The following SCLT1 variants were observed in gnomAD, a reference collection of about 807,000 sequenced individuals.
SCLT1 encodes the protein sodium channel and clathrin linker 1, also known as sodium channel-associated protein 1.
Under a neutral mutation model 112.8 loss-of-function variants are expected in SCLT1, and 78 were observed. That is an observed-to-expected ratio of 0.69 (90% CI 0.58 to 0.83). SCLT1 has a LOEUF of 0.83. Ranked by LOEUF, SCLT1 falls within the 40% of genes least tolerant of loss-of-function variation. The pLI is 0.00. For synonymous variants in SCLT1, 257 were observed against 254.7 expected (o/e 1.01, Z -0.09); for missense variants, 747 against 770.4 (o/e 0.97, Z 0.36).
At chr4:129,018,015 C>T (rs991194630) in intron 5 of SCLT1, among the ~76,000 whole-genome samples, 22 of 152,240 alleles carry the variant, frequency 1.4e-4, no homozygotes, top group African/African-American at 5.1e-4. Context: ...CATCCCTTTG[C>T]TGAGATCCTG....
At chr4:129,086,854 A>G (rs1752437570) in intron 1 of SCLT1, among the ~76,000 whole-genome samples, 2 of 152,176 alleles carry the variant, frequency 1.3e-5, no homozygotes. Flanking sequence ...AGTTTAAGAC[A>G]TCAAAAAGTA....
chr4:128,907,255 C>T (rs1734763114), intron 18 of SCLT1, among the ~76,000 whole-genome samples: 1 of 151,998 alleles, frequency 6.6e-6, no homozygotes, highest in South Asian at 2.1e-4. Flanking sequence ...AGTGACGATT[C>T]GATTTGAACA....
chr4:128,901,676 A>G (rs889903706), intron 18 of SCLT1, among the ~76,000 whole-genome samples: 1 of 151,988 alleles, frequency 6.6e-6, no homozygotes, highest in Admixed American at 6.6e-5. Flanking sequence ...TATAATAAAA[A>G]AAAAATTAAA....
intron 9 of SCLT1, among the ~76,000 whole-genome samples, chr4:128,978,771 TA>T (rs1741403214): frequency 6.6e-6 from 1 of 151,946 alleles, no homozygotes. Context: ...TCTGAAGTCT[TA>T]AAAGAACCAT....
intron 13 of SCLT1, among the ~76,000 whole-genome samples, chr4:128,956,545 A>G (rs1739229496): frequency 6.6e-6 from 1 of 152,134 alleles, no homozygotes; most frequent in Non-Finnish European, 1.5e-5. Flanking sequence ...TCTTTACACC[A>G]TGATTCTGTA....
intron 2 of SCLT1, among the ~76,000 whole-genome samples, chr4:129,050,812 A>G (rs931825771): frequency 2.6e-5 from 4 of 152,146 alleles, no homozygotes; most frequent in Non-Finnish European, 4.4e-5. Context: ...GCCCATGCCT[A>G]TGTCCTGAAT....
chr4:129,021,808 G>A lies in SCLT1; in HGVS notation c.290+17233C>T, dbSNP rs555612100. 2.4e-4 allele frequency among the ~76,000 whole-genome samples: 36 copies of A among 152,326 alleles called. No homozygotes were observed. In the East Asian group the frequency reaches 4.6e-3, roughly 20 times the overall value. On this transcript the variant is annotated intron_variant, in intron 5 of 20. Coordinates refer to ENST00000281142, the MANE Select transcript of SCLT1 (RefSeq NM_144643.4). ...ACAAGAGGGATTCTCCCAGCACAGC[G>A]CACCAGCTCTGCTAAGGGACAGACT...
At chr4:129,087,467 G>C (rs1341799144) in intron 1 of SCLT1, among the ~76,000 whole-genome samples, 1 of 149,542 alleles carries the variant, frequency 6.7e-6, no homozygotes, top group African/African-American at 2.5e-5. Context: ...ACTAAAACCA[G>C]ACAAAAATAT....
intron 5 of SCLT1, chr4:129,038,090 C>T: frequency 6.5e-6 from 1 of 153,512 alleles, no homozygotes; most frequent in Non-Finnish European, 1.5e-5. Context: ...GCCGAGATCG[C>T]ACCACTGCAC....
intron 5 of SCLT1, among the ~76,000 whole-genome samples, chr4:129,023,112 C>T (rs182693859): frequency 6.6e-6 from 1 of 152,220 alleles, no homozygotes; most frequent in Admixed American, 6.5e-5. Context: ...ATTTTGTCAC[C>T]ACCACATCTG....
rs569043442 is a variant in SCLT1 at position 128,900,684 on chromosome 4, A to C, written c.1830-9547T>G. Among the ~76,000 whole-genome samples, 6 of 152,352 alleles carry C rather than the reference A, an allele frequency of 3.9e-5. No individual in the cohort carries two copies. In the South Asian group the frequency reaches 8.3e-4, roughly 21 times the overall value. ...AAGCCAAAATTGACAAATGGGATCT[A>C]ATTAAACTAAAGAGCTTCTGCACAG... On this transcript the variant is annotated intron_variant, in intron 18 of 20. Coordinates refer to ENST00000281142, the MANE Select transcript of SCLT1 (RefSeq NM_144643.4).
At chr4:128,879,007 T>A (rs150566409), downstream of SCLT1, among the ~76,000 whole-genome samples, 3,327 of 151,708 alleles carry the variant, frequency 0.022, 100 homozygotes, top group African/African-American at 0.072. Flanking sequence ...AGGGATAGCA[T>A]CAGGAGATAT....
At chr4:129,070,748 G>C (rs1365471309) in intron 2 of SCLT1, among the ~76,000 whole-genome samples, 1 of 151,658 alleles carries the variant, frequency 6.6e-6, no homozygotes, top group Non-Finnish European at 1.5e-5. Flanking sequence ...TTGTTTGTTT[G>C]CTTGCTTGTT....
At chr4:128,941,317 CT>C (rs1421035842) in intron 17 of SCLT1, among the ~76,000 whole-genome samples, 1 of 152,036 alleles carries the variant, frequency 6.6e-6, no homozygotes, top group Non-Finnish European at 1.5e-5. Context: ...CTTAAAAATA[CT>C]TGATATTTTT....
chr4:128,890,199 T>C (rs1733202690), intron 19 of SCLT1, among the ~76,000 whole-genome samples: 1 of 152,186 alleles, frequency 6.6e-6, no homozygotes, highest in East Asian at 1.9e-4. Flanking sequence ...ACCATAATGG[T>C]TGAGGAACAG....
At chr4:129,002,802 G>A (rs1026670921) in intron 6 of SCLT1, among the ~76,000 whole-genome samples, 1 of 152,130 alleles carries the variant, frequency 6.6e-6, no homozygotes, top group Non-Finnish European at 1.5e-5. Flanking sequence ...TGGAGAGGAC[G>A]TGGAGAAATA....
At chr4:128,994,439 G>T (rs890479291) in intron 8 of SCLT1, among the ~76,000 whole-genome samples, 1 of 151,972 alleles carries the variant, frequency 6.6e-6, no homozygotes, top group Admixed American at 6.6e-5. Flanking sequence ...GGTTGTTTTC[G>T]TATCTTGGCT....
In SCLT1 at chr4:128,967,578, G is replaced by A. The variant is rs191228396; in HGVS notation, c.778-2260C>T. On this transcript the variant is annotated intron_variant, in intron 10 of 20. Transcript: ENST00000281142. ...CAGGTGTGAGATGGTATCTCATTGC[G>A]ATTTTGATTTGCATTTTTCTAACTC... Among the ~76,000 whole-genome samples the A allele has an allele frequency of 4.9e-3, 743 of 152,208 alleles. 6 individuals are homozygous for A. The highest frequency in any genetic ancestry group is 0.017 in the African/African-American group (699 of 41,540).
At chr4:128,981,543 G>A (rs546932885) in intron 9 of SCLT1, among the ~76,000 whole-genome samples, 14 of 152,110 alleles carry the variant, frequency 9.2e-5, no homozygotes, top group South Asian at 2.1e-4. Context: ...CCTGCCAACC[G>A]TTTCTGTGGC....
Sources: gnomAD v4.1 joint callset for allele counts (sites outside exome capture counted in the v4.1 genomes callset) on GRCh38, gnomAD v4.1.1 for gene constraint, MANE v1.5 for transcripts, NCBI Gene and HGNC (gene_info 2026-07-23, HGNC 2026-07-21) for gene names.